NRP2: variants seen among roughly 807,000 people sequenced by gnomAD.
NRP2 encodes neuropilin 2.
In NRP2, 52 loss-of-function variants were observed where a neutral mutation model predicts 110.4. That is an observed-to-expected ratio of 0.47 (90% CI 0.38 to 0.59). NRP2 has a LOEUF of 0.59. Among genes scored for constraint, NRP2 ranks in the 20% least tolerant of loss-of-function variants. NRP2 has a pLI of 0.00. For missense variants in NRP2, 1,049 were observed against 1,203.0 expected, an observed-to-expected ratio of 0.87 and a Z score of 1.89; for synonymous variants, 508 against 468.9, an observed-to-expected ratio of 1.08 and a Z score of -1.08.
At chr2:205,785,765 A>C (rs2058229338) in intron 15 of NRP2, among the ~76,000 whole-genome samples, 3 of 152,126 alleles carry the variant, frequency 2.0e-5, no homozygotes, top group Admixed American at 6.5e-5. Context: ...TTACTAGGTC[A>C]TTTCACAGTC....
At chr2:205,685,700 C>A (rs540672563) in intron 1 of NRP2, 1 of 152,814 alleles carries the variant, frequency 6.5e-6, no homozygotes, top group East Asian at 1.9e-4. Flanking sequence ...GCCCCGGGCG[C>A]CCCCGCCAGT....
At chr2:205,765,023 A>G (rs191297693) in intron 13 of NRP2, among the ~76,000 whole-genome samples, 4 of 152,316 alleles carry the variant, frequency 2.6e-5, no homozygotes, top group Non-Finnish European at 4.4e-5. Context: ...TATAATAAGG[A>G]GCACAAATCA....
At chr2:205,731,300 T>A (rs1474001057) in intron 7 of NRP2, among the ~76,000 whole-genome samples, 1 of 152,192 alleles carries the variant, frequency 6.6e-6, no homozygotes, top group African/African-American at 2.4e-5. Context: ...CCCAGCTATA[T>A]TAATAACACC....
At chr2:205,709,065 C>T (rs2056745566) in intron 2 of NRP2, among the ~76,000 whole-genome samples, 1 of 152,344 alleles carries the variant, frequency 6.6e-6, no homozygotes, top group Non-Finnish European at 1.5e-5. Context: ...ACTCACCAGC[C>T]TCTTGGGAGC....
At chr2:205,713,890 G>T (rs1189885772) in intron 2 of NRP2, among the ~76,000 whole-genome samples, 2 of 152,134 alleles carry the variant, frequency 1.3e-5, no homozygotes, top group African/African-American at 2.4e-5. Context: ...CCTAGCAGTA[G>T]GATTGCTGGA....
intron 10 of NRP2, among the ~76,000 whole-genome samples, chr2:205,749,501 T>G (rs1401684903): frequency 1.3e-5 from 2 of 152,168 alleles, no homozygotes; most frequent in Non-Finnish European, 2.9e-5. Flanking sequence ...AATGTGGGTT[T>G]GTGTCCCTAC....
At chr2:205,776,606 C>A in intron 15 of NRP2, 1 of 1,597,980 alleles carries the variant, frequency 6.3e-7, no homozygotes. Flanking sequence ...TTTTTCTCCT[C>A]GCCTAGTTTC....
At position 205,738,160 on chromosome 2, in the gene NRP2, C is replaced by T. The variant is rs944587541; in HGVS notation, c.1147-2359C>T. Among the ~76,000 whole-genome samples, 19 of 152,140 alleles carry T rather than the reference C, an allele frequency of 1.2e-4. 1 individual carries two copies. Among genetic ancestry groups the T allele is most frequent in the Admixed American group, 7.9e-4 (12 of 15,282 alleles). On this transcript the variant is annotated intron_variant, in intron 7 of 16. Coordinates refer to ENST00000357785, the MANE Select transcript of NRP2 (RefSeq NM_003872.3). ...GCGTGGTGTGTATGCTGTGGATTAG[C>T]GGCAGTGTTAAAGTTCAGATCCACT...
chr2:205,792,242 C>A lies in NRP2; in HGVS notation c.2433C>A (p.Ile811=). ...ATTTTCTTTATATTATAGTGGACATCCCAGAAATACATGAGAGAGAAGGAT... is the reference window on the plus strand; with the variant it reads ...ATTTTCTTTATATTATAGTGGACATACCAGAAATACATGAGAGAGAAGGAT... ...MEPISAFAVD[I]PEIHEREGYE... The change falls in exon 16 of 17, where the codon ATC becomes ATA. Residue 811 remains isoleucine, a synonymous_variant. Transcript: ENST00000357785. The A allele has an allele frequency of 6.3e-7, 1 of 1,589,022 alleles. No homozygotes were observed. The highest frequency in any genetic ancestry group is 8.6e-7 in the Non-Finnish European group (1 of 1,157,326).
chr2:205,708,676 C>T (rs1220749097), intron 2 of NRP2, among the ~76,000 whole-genome samples: 2 of 152,204 alleles, frequency 1.3e-5, no homozygotes, highest in Non-Finnish European at 2.9e-5. Context: ...ATTTTCTTGC[C>T]TTCAAGGTTT....
chr2:205,733,306 C>A (rs2057277552), intron 7 of NRP2, among the ~76,000 whole-genome samples: 1 of 152,214 alleles, frequency 6.6e-6, no homozygotes, highest in South Asian at 2.1e-4. Flanking sequence ...GCGCTGATAG[C>A]CTTGATGTTA....
At chr2:205,692,104 C>T (rs1575540680) in intron 1 of NRP2, among the ~76,000 whole-genome samples, 1 of 152,170 alleles carries the variant, frequency 6.6e-6, no homozygotes, top group Non-Finnish European at 1.5e-5. Flanking sequence ...CTGCTCTCTG[C>T]TTCCCTCTCT....
intron 12 of NRP2, among the ~76,000 whole-genome samples, chr2:205,755,672 G>T (rs1488140697): frequency 6.6e-6 from 1 of 152,082 alleles, no homozygotes; most frequent in Non-Finnish European, 1.5e-5. Flanking sequence ...AGCTGGCTTG[G>T]TTGGGGGCAG....
In NRP2 at chr2:205,776,474, T is replaced by C. The variant is rs1462301522; in HGVS notation, c.2425+9671T>C. ...TACACCAACGGGGCCCCTCTGGCGG[T>C]GGAGCCCACCCTAACCATTAAGCTA... On this transcript the variant is annotated intron_variant, in intron 15 of 16. Transcript: ENST00000357785. 3 of 1,611,558 alleles carry C rather than the reference T, an allele frequency of 1.9e-6. No individual in the cohort carries two copies. Among genetic ancestry groups the C allele is most frequent in the Middle Eastern group, 1.6e-4 (1 of 6,084 alleles).
chr2:205,761,261 C>G (rs2057816859), intron 12 of NRP2, among the ~76,000 whole-genome samples: 1 of 152,062 alleles, frequency 6.6e-6, no homozygotes, highest in African/African-American at 2.4e-5. Flanking sequence ...TTCATAGAAA[C>G]AAAATTTTCT....
intron 14 of NRP2, 152 bp from the exon 15 acceptor site, chr2:205,766,631 C>A: frequency 1.4e-6 from 1 of 709,692 alleles, no homozygotes; most frequent in Non-Finnish European, 2.5e-6. Flanking sequence ...CAGCCTAGAA[C>A]ATGTGGAAGA....
At chr2:205,781,269 G>A (rs2058170865) in intron 15 of NRP2, among the ~76,000 whole-genome samples, 1 of 152,216 alleles carries the variant, frequency 6.6e-6, no homozygotes, top group South Asian at 2.1e-4. Flanking sequence ...GTCAAACAGG[G>A]CACTGTTACC....
chr2:205,755,892 A>C (rs921104129), intron 12 of NRP2, among the ~76,000 whole-genome samples: 1 of 152,176 alleles, frequency 6.6e-6, no homozygotes, highest in African/African-American at 2.4e-5. Context: ...GTCAGGGTGA[A>C]GAGAAAGGTG....
chr2:205,740,749 C>T, intron 8 of NRP2, 86 bp downstream of exon 8: 2 of 1,477,386 alleles, frequency 1.4e-6, no homozygotes, highest in Admixed American at 1.8e-5. Context: ...AGCATGACTG[C>T]ACCACATGAC....
Sources: allele counts gnomAD v4.1 joint callset (sites outside exome capture counted in the v4.1 genomes callset), GRCh38; gene constraint gnomAD v4.1.1; transcripts MANE v1.5; gene names NCBI Gene and HGNC (gene_info 2026-07-23, HGNC 2026-07-21).